GRM7: variants seen among roughly 807,000 people sequenced by gnomAD.
GRM7 encodes glutamate metabotropic receptor 7.
Under a neutral mutation model 84.5 loss-of-function variants are expected in GRM7, and 35 were observed. The observed-to-expected ratio is 0.41, with a 90% confidence interval of 0.32 to 0.55. The LOEUF is 0.55. Among genes scored for constraint, GRM7 ranks in the 20% least tolerant of loss-of-function variants. The pLI is 0.19. For synonymous variants in GRM7, 487 were observed against 455.1 expected, an observed-to-expected ratio of 1.07 and a Z score of -0.89; for missense variants, 1,003 against 1,194.6, an observed-to-expected ratio of 0.84 and a Z score of 2.36.
chr3:7,128,361 A>G (rs961361925), intron 1 of GRM7, among the ~76,000 whole-genome samples: 47 of 151,812 alleles, frequency 3.1e-4, no homozygotes, highest in Admixed American at 3.9e-4. Flanking sequence ...CCAGACACCT[A>G]ATACCCTTAA....
At chr3:7,598,780 T>C (rs1321846263) in intron 8 of GRM7, among the ~76,000 whole-genome samples, 3 of 152,176 alleles carry the variant, frequency 2.0e-5, no homozygotes, top group African/African-American at 7.2e-5. Flanking sequence ...TTCTCCATGA[T>C]GAAAAAATAA....
chr3:7,184,181 TG>T (rs1002985317), intron 2 of GRM7, among the ~76,000 whole-genome samples: 37 of 152,266 alleles, frequency 2.4e-4, no homozygotes, highest in African/African-American at 8.4e-4. Context: ...TAATATACTA[TG>T]TAGCATACTT....
intron 4 of GRM7, 68 bp from the exon 5 acceptor site, chr3:7,414,955 T>G: frequency 7.4e-7 from 1 of 1,354,858 alleles, no homozygotes; most frequent in Non-Finnish European, 1.0e-6. Flanking sequence ...AAAGTCACTT[T>G]TATTTTTATT....
chr3:7,379,553 T>C (rs1694501917), intron 4 of GRM7, among the ~76,000 whole-genome samples: 1 of 152,232 alleles, frequency 6.6e-6, no homozygotes, highest in Non-Finnish European at 1.5e-5. Context: ...CTGTATTCTT[T>C]AATTTCTTAA....
intron 7 of GRM7, among the ~76,000 whole-genome samples, chr3:7,498,188 T>A (rs1699767968): frequency 6.6e-6 from 1 of 152,196 alleles, no homozygotes; most frequent in Non-Finnish European, 1.5e-5. Context: ...CTCCCTTTTT[T>A]TTTATTATCG....
chr3:7,078,732 G>A (rs143430791), intron 1 of GRM7, among the ~76,000 whole-genome samples: 158 of 152,218 alleles, frequency 1.0e-3, no homozygotes, highest in African/African-American at 3.5e-3. Flanking sequence ...TAACTTGTAA[G>A]GTGTAGCCAT....
chr3:7,724,306 A>C (rs1702048744), intron 9 of GRM7, among the ~76,000 whole-genome samples: 1 of 152,182 alleles, frequency 6.6e-6, no homozygotes, highest in South Asian at 2.1e-4. Flanking sequence ...AAACATCCAC[A>C]GCCATAACCG....
intron 9 of GRM7, among the ~76,000 whole-genome samples, chr3:7,729,648 T>C (rs766968498): frequency 2.3e-4 from 35 of 152,282 alleles, no homozygotes; most frequent in South Asian, 6.2e-4. Context: ...AGTAATTCAG[T>C]GTTTGTGGTG....
rs778513853 is a variant in GRM7, at chr3:7,578,441, G to A, written c.1535G>A (p.Gly512Asp). ...LQLNIEDMQW[G>D]KGVREIPASV... ...TTACAGATAGAAGACATGCAGTGGG[G>A]TAAAGGAGTCCGAGAGATACCCGCC... The change falls in exon 8 of 10, where the codon GGT becomes GAT. Residue 512 changes from glycine (G) to aspartate (D), a missense_variant. Physicochemically the swap from Gly to Asp is moderately conservative, Grantham distance 94. Coordinates refer to ENST00000357716, the MANE Select transcript of GRM7 (RefSeq NM_000844.4). 6.2e-7 allele frequency: 1 copy of A among 1,610,682 alleles called. No individual in the cohort carries two copies. The highest frequency in any genetic ancestry group is 8.5e-7 in the Non-Finnish European group (1 of 1,177,258).
intron 8 of GRM7, among the ~76,000 whole-genome samples, chr3:7,646,471 C>T (rs62233876): frequency 0.2 from 29,681 of 152,048 alleles, 3,810 homozygotes; most frequent in Non-Finnish European, 0.29. Context: ...GGATTACAGA[C>T]GTGAGCCGCC....
chr3:7,636,027 A>G (rs1407486486), intron 8 of GRM7, among the ~76,000 whole-genome samples: 1 of 152,194 alleles, frequency 6.6e-6, no homozygotes, highest in Non-Finnish European at 1.5e-5. Flanking sequence ...GCACATCTAA[A>G]TTATTAATCA....
In GRM7 at chr3:6,987,399, C is replaced by CAAA. The variant is rs55694959; in HGVS notation, c.519+125504_519+125506dup. Among the ~76,000 whole-genome samples, 716 of 129,048 alleles carry CAAA rather than the reference C, an allele frequency of 5.5e-3. 10 individuals are homozygous for CAAA. The highest frequency in any genetic ancestry group is 0.017 in the African/African-American group (590 of 35,066). 84.7% of individuals were successfully genotyped at this position (129,048 alleles called of 152,430 possible). ...TTTAGAAATTATTGGTGCTGAAGGA[C>CAAA]AAAAAAAAAAAAAATCCCTGATAAA... On this transcript the variant is annotated intron_variant, in intron 1 of 9. Coordinates refer to ENST00000357716, the MANE Select transcript of GRM7 (RefSeq NM_000844.4).
intron 1 of GRM7, among the ~76,000 whole-genome samples, chr3:7,084,577 C>T (rs1673112440): frequency 6.6e-6 from 1 of 152,036 alleles, no homozygotes; most frequent in Non-Finnish European, 1.5e-5. Context: ...AATCCAGTTG[C>T]TGTGTGCTGA....
At chr3:6,886,296 A>G (rs1695691646) in intron 1 of GRM7, among the ~76,000 whole-genome samples, 1 of 152,070 alleles carries the variant, frequency 6.6e-6, no homozygotes, top group Non-Finnish European at 1.5e-5. Flanking sequence ...ATGATAACAC[A>G]TGGACACAGG....
intron 7 of GRM7, among the ~76,000 whole-genome samples, chr3:7,549,619 A>G (rs948235864): frequency 6.6e-6 from 1 of 152,312 alleles, no homozygotes; most frequent in Non-Finnish European, 1.5e-5. Context: ...ATGGGAAGAA[A>G]AAACTTCTCC....
At chr3:7,657,636 T>C (rs1199923796) in intron 8 of GRM7, among the ~76,000 whole-genome samples, 1 of 152,174 alleles carries the variant, frequency 6.6e-6, no homozygotes, top group Non-Finnish European at 1.5e-5. Flanking sequence ...ATCACTTTGC[T>C]AGTCATGAAT....
chr3:7,096,293 T>C (rs1413725255), intron 1 of GRM7, among the ~76,000 whole-genome samples: 1 of 152,066 alleles, frequency 6.6e-6, no homozygotes, highest in Non-Finnish European at 1.5e-5. Flanking sequence ...TACAAGACTG[T>C]CTTTAATTCA....
At chr3:7,723,731 T>C (rs1702029545) in intron 9 of GRM7, among the ~76,000 whole-genome samples, 1 of 151,984 alleles carries the variant, frequency 6.6e-6, no homozygotes, top group African/African-American at 2.4e-5. Flanking sequence ...GCACCTGTAG[T>C]CCCAGCTATT....
chr3:6,995,050 C>T (rs568439552), intron 1 of GRM7, among the ~76,000 whole-genome samples: 10 of 152,318 alleles, frequency 6.6e-5, no homozygotes, highest in African/African-American at 2.4e-4. Flanking sequence ...TGGTACACCA[C>T]TTTCCACACG....
Sources: allele counts gnomAD v4.1 joint callset (sites outside exome capture counted in the v4.1 genomes callset), GRCh38; gene constraint gnomAD v4.1.1; transcripts MANE v1.5; gene names NCBI Gene and HGNC (gene_info 2026-07-23, HGNC 2026-07-21).